Variants in CCND3 observed in about 807,000 individuals in gnomAD.
The protein encoded by CCND3 is cyclin D3, also known as G1/S-specific cyclin-D3.
In CCND3, 9 loss-of-function variants were observed where a neutral mutation model predicts 28.7. The observed-to-expected ratio is 0.31, with a 90% CI of 0.19 to 0.55. The LOEUF is 0.55. Among genes scored for constraint, CCND3 ranks in the 20% least tolerant of loss-of-function variants. The pLI is 0.93. For synonymous variants in CCND3, 164 were observed against 163.9 expected, an observed-to-expected ratio of 1.00 and a Z score of 0.00; for missense variants, 315 against 385.8, an observed-to-expected ratio of 0.82 and a Z score of 1.54.
chr6:42,011,051 T>G (rs1561985747), intron 1 of CCND3: 1 of 151,954 alleles, frequency 6.6e-6, no homozygotes, highest in Non-Finnish European at 1.5e-5. Context: ...AAGTGATTCT[T>G]GAATCTGTAA....
chr6:41,937,688 T>C lies in CCND3; in HGVS notation c.415-294A>G, dbSNP rs1018341743. On this transcript the variant is annotated intron_variant, in intron 2 of 4. Transcript: ENST00000372991. ...TTTAAGGGGCCAATAATCCAGGCCT[T>C]CTCCTGACTTCATTCAGGGCTCTGA... 7.4e-6 allele frequency: 3 copies of C among 406,024 alleles called. No individual in the cohort carries two copies. In the South Asian group the frequency reaches 9.1e-5, roughly 12 times the overall value. 25.2% of individuals were successfully genotyped at this position (406,024 alleles called of 1,614,324 possible).
intron 1 of CCND3, among the ~76,000 whole-genome samples, chr6:41,959,995 A>G (rs1761669307): frequency 6.6e-6 from 1 of 152,194 alleles, no homozygotes; most frequent in African/African-American, 2.4e-5. Flanking sequence ...ATTTGTGGAC[A>G]TATGAATAAA....
intron 1 of CCND3, among the ~76,000 whole-genome samples, chr6:41,960,056 G>T (rs1761678526): frequency 6.6e-6 from 1 of 152,120 alleles, no homozygotes; most frequent in South Asian, 2.1e-4. Context: ...GCCATAAAAA[G>T]GAGTGCAGTA....
At chr6:41,965,779 C>A (rs186401816) in intron 1 of CCND3, among the ~76,000 whole-genome samples, 1 of 152,208 alleles carries the variant, frequency 6.6e-6, no homozygotes, top group African/African-American at 2.4e-5. Context: ...CACATTCTTC[C>A]TTTTGATATG....
chr6:41,965,227 G>A lies in CCND3; in HGVS notation c.-45-24642C>T, dbSNP rs947952945. ...TGGGATTACAAACACCCACCATCAC[G>A]CCTGGCTAATTTTTGTATTTTTAGT... On this transcript the variant is annotated intron_variant, in intron 1 of 4. Coordinates refer to the CCND3 transcript ENST00000372988. 4.0e-5 allele frequency among the ~76,000 whole-genome samples: 6 copies of A among 151,762 alleles called. No individual in the cohort carries two copies. In the South Asian group the frequency reaches 1.0e-3, roughly 26 times the overall value.
intron 1 of CCND3, among the ~76,000 whole-genome samples, chr6:41,993,950 A>G (rs1399068262): frequency 2.9e-5 from 1 of 34,426 alleles, no homozygotes; most frequent in South Asian, 9.7e-4. Flanking sequence ...AAAAAAAAAA[A>G]AAAAAAAAAA....
chr6:41,975,889 T>C (rs1762166110), intron 1 of CCND3, among the ~76,000 whole-genome samples: 1 of 152,040 alleles, frequency 6.6e-6, no homozygotes, highest in South Asian at 2.1e-4. Context: ...TCACTGAGGC[T>C]GGAGTGTGGT....
intron 1 of CCND3, among the ~76,000 whole-genome samples, chr6:41,951,575 C>CAAAAAAA (rs58855970): frequency 5.7e-5 from 4 of 70,188 alleles, no homozygotes; most frequent in South Asian, 6.6e-4. Flanking sequence ...CACACACACA[C>CAAAAAAA]AAAAAAAAAG....
Position 41,936,787 on chromosome 6 carries a change from C to A in CCND3, c.575-92G>T. 7.3e-7 allele frequency: 1 copy of A among 1,377,906 alleles called. No homozygotes were observed. Among genetic ancestry groups the A allele is most frequent in the Non-Finnish European group, 1.0e-6 (1 of 993,458 alleles). 85.4% of individuals were successfully genotyped at this position (1,377,906 alleles called of 1,614,324 possible). On this transcript the variant is annotated intron_variant, in intron 3 of 4. Coordinates refer to ENST00000372991, the MANE Select transcript of CCND3 (RefSeq NM_001760.5). This position sits in a 1 kb window ranked among gnomAD's most constrained non-coding sequence, Gnocchi z 4.4. ...CGACTCCTTGGAAAGTGCCAGGCAG[C>A]ATGAGTAGAGCAGAGGACATGCTGG...
intron 1 of CCND3, among the ~76,000 whole-genome samples, chr6:41,948,183 T>C (rs1160947432): frequency 6.6e-6 from 1 of 152,104 alleles, no homozygotes; most frequent in African/African-American, 2.4e-5. Flanking sequence ...CTTCTTATGC[T>C]CTTTCCCTGC....
At chr6:41,965,700 G>A (rs1244174484) in intron 1 of CCND3, among the ~76,000 whole-genome samples, 3 of 152,076 alleles carry the variant, frequency 2.0e-5, no homozygotes, top group African/African-American at 7.2e-5. Context: ...TGCTGCCAGG[G>A]CCAGGAACCC....
chr6:42,019,397 G>A (rs956987798), intron 1 of CCND3, among the ~76,000 whole-genome samples: 7 of 149,546 alleles, frequency 4.7e-5, no homozygotes, highest in Middle Eastern at 6.9e-3. Flanking sequence ...GCTGAGGCAG[G>A]AGAATTGCTT....
At chr6:41,976,425 G>A (rs772358273) in intron 1 of CCND3, among the ~76,000 whole-genome samples, 3 of 152,086 alleles carry the variant, frequency 2.0e-5, no homozygotes, top group Non-Finnish European at 4.4e-5. Context: ...CTTGAGATAG[G>A]AGGATGGCTT....
chr6:41,984,392 G>A (rs1762424045), intron 1 of CCND3, among the ~76,000 whole-genome samples: 2 of 152,118 alleles, frequency 1.3e-5, no homozygotes, highest in Admixed American at 1.3e-4. Flanking sequence ...TGTTGCCCAG[G>A]CTGGAGTGCA....
At chr6:42,001,598 C>T (rs1413985673) in intron 1 of CCND3, among the ~76,000 whole-genome samples, 1 of 152,034 alleles carries the variant, frequency 6.6e-6, no homozygotes, top group Non-Finnish European at 1.5e-5. Context: ...GCCCCATGGG[C>T]AGGAAGCAGT....
intron 1 of CCND3, among the ~76,000 whole-genome samples, chr6:41,957,170 G>T (rs1489734702): frequency 6.6e-6 from 1 of 152,226 alleles, no homozygotes; most frequent in Non-Finnish European, 1.5e-5. Flanking sequence ...TATTACTGTT[G>T]CAAAAGCCTC....
In CCND3 at chr6:42,046,769, C is replaced by CA. The variant is rs146926820; in HGVS notation, c.-46+1731dup. On this transcript the variant is annotated intron_variant, in intron 1 of 4. Coordinates refer to the CCND3 transcript ENST00000372988. ...AGTACCAGCCCTATGGCTCAGCTAA[C>CA]AGATGGCTGTATCATCCAAGATACA... Among the ~76,000 whole-genome samples, 873 of 152,298 alleles carry CA rather than the reference C, an allele frequency of 5.7e-3. 9 individuals carry two copies. The highest frequency in any genetic ancestry group is 0.02 in the Middle Eastern group (6 of 294).
intron 1 of CCND3, among the ~76,000 whole-genome samples, chr6:41,990,244 G>A (rs901934775): frequency 6.6e-6 from 1 of 151,904 alleles, no homozygotes; most frequent in Non-Finnish European, 1.5e-5. Context: ...CCAAGGAGGT[G>A]AAAGACTTCT....
intron 1 of CCND3, among the ~76,000 whole-genome samples, chr6:41,949,964 G>A (rs1192926093): frequency 1.3e-5 from 2 of 151,386 alleles, no homozygotes; most frequent in Non-Finnish European, 2.9e-5. Flanking sequence ...ATAGCCAGGT[G>A]TGGTGGCGGG....
Sources: gnomAD v4.1 joint callset for allele counts (sites outside exome capture counted in the v4.1 genomes callset) on GRCh38, gnomAD v4.1.1 for gene constraint, Gnocchi (gnomAD v3.1) non-coding constraint, MANE v1.5 for transcripts, NCBI Gene and HGNC (gene_info 2026-07-23, HGNC 2026-07-21) for gene names.